The following PTPRD variants were observed in gnomAD, a reference collection of about 807,000 sequenced individuals.
The protein encoded by PTPRD is protein tyrosine phosphatase receptor type D, also known as receptor-type tyrosine-protein phosphatase delta.
A neutral mutation model predicts 214.5 loss-of-function variants in PTPRD; 34 were observed. The ratio of observed to expected loss-of-function variants is 0.16; its 90% CI spans 0.12 to 0.21. PTPRD has a LOEUF of 0.21. PTPRD is among the 10% of genes least tolerant of loss of function. PTPRD has a pLI of 1.00. For missense variants in PTPRD, 2,545 were observed against 2,398.7 expected (o/e 1.06, Z -1.27); for synonymous variants, 1,128 against 845.7 (o/e 1.33, Z -5.79).
intron 10 of PTPRD, among the ~76,000 whole-genome samples, chr9:9,019,220 T>C (rs894189308): frequency 1.4e-5 from 2 of 146,560 alleles, no homozygotes; most frequent in Non-Finnish European, 3.0e-5. Context: ...ATTTTTATTA[T>C]AGAAAGACAG....
intron 3 of PTPRD, among the ~76,000 whole-genome samples, chr9:10,067,287 T>A (rs2097904332): frequency 6.6e-6 from 1 of 151,954 alleles, no homozygotes; most frequent in African/African-American, 2.4e-5. Flanking sequence ...GGATTTGATA[T>A]TTTACTGTAT....
intron 3 of PTPRD, among the ~76,000 whole-genome samples, chr9:10,042,887 A>G (rs1472805712): frequency 6.6e-6 from 1 of 151,954 alleles, no homozygotes; most frequent in East Asian, 1.9e-4. Flanking sequence ...TTTACCTAAT[A>G]TGAATGTATT....
intron 11 of PTPRD, chr9:8,797,038 A>G (rs1408928017): frequency 1.3e-5 from 2 of 152,084 alleles, no homozygotes; most frequent in Non-Finnish European, 2.9e-5. Context: ...TTCCCCAACC[A>G]TTTGGGATAA....
intron 10 of PTPRD, among the ~76,000 whole-genome samples, chr9:9,106,397 T>C (rs1281419102): frequency 6.6e-6 from 1 of 152,016 alleles, no homozygotes; most frequent in East Asian, 1.9e-4. Context: ...ATTTATTTAA[T>C]CTTTCCAGCA....
At chr9:9,795,264 T>C (rs1379743317) in intron 5 of PTPRD, among the ~76,000 whole-genome samples, 2 of 152,184 alleles carry the variant, frequency 1.3e-5, no homozygotes, top group Non-Finnish European at 2.9e-5. Flanking sequence ...AATTTGGAAA[T>C]AGTGGGGTAT....
chr9:10,360,463 T>A (rs1350047702), intron 2 of PTPRD, among the ~76,000 whole-genome samples: 1 of 152,216 alleles, frequency 6.6e-6, no homozygotes, highest in Non-Finnish European at 1.5e-5. Flanking sequence ...CATGTCACAT[T>A]TTCTTTTGTT....
At chr9:8,790,799 A>G (rs2096200339) in intron 11 of PTPRD, among the ~76,000 whole-genome samples, 1 of 151,998 alleles carries the variant, frequency 6.6e-6, no homozygotes, top group African/African-American at 2.4e-5. Flanking sequence ...ACAAAACAGA[A>G]ATGTTGTACT....
intron 6 of PTPRD, among the ~76,000 whole-genome samples, chr9:9,737,044 T>C (rs1251992530): frequency 6.6e-6 from 1 of 152,132 alleles, no homozygotes; most frequent in Non-Finnish European, 1.5e-5. Flanking sequence ...TTATGATTAC[T>C]TTGCCTTTCA....
At chr9:8,788,517 T>G (rs2096089578) in intron 11 of PTPRD, among the ~76,000 whole-genome samples, 1 of 151,892 alleles carries the variant, frequency 6.6e-6, no homozygotes, top group African/African-American at 2.4e-5. Flanking sequence ...TCAGATGATC[T>G]GCCCACCTCA....
At chr9:8,722,260 C>T (rs1565557967) in intron 12 of PTPRD, among the ~76,000 whole-genome samples, 1 of 151,904 alleles carries the variant, frequency 6.6e-6, no homozygotes, top group Non-Finnish European at 1.5e-5. Flanking sequence ...GAGCTGTGAG[C>T]ATTGCCAAAG....
chr9:8,654,233 C>A (rs989746899), intron 12 of PTPRD, among the ~76,000 whole-genome samples: 1 of 152,210 alleles, frequency 6.6e-6, no homozygotes, highest in African/African-American at 2.4e-5. Context: ...TCAGATGCCT[C>A]CAAACATAGT....
At chr9:9,316,157 T>A (rs1192398576) in intron 9 of PTPRD, among the ~76,000 whole-genome samples, 2 of 151,986 alleles carry the variant, frequency 1.3e-5, no homozygotes, top group Non-Finnish European at 2.9e-5. Context: ...ATAAAGTACG[T>A]TATTCTATGA....
intron 39 of PTPRD, among the ~76,000 whole-genome samples, chr9:8,371,078 T>C (rs911323393): frequency 5.3e-5 from 8 of 152,068 alleles, no homozygotes; most frequent in South Asian, 2.1e-4. Flanking sequence ...AATGGGGAGC[T>C]ATGTCTAAAT....
intron 11 of PTPRD, among the ~76,000 whole-genome samples, chr9:8,895,760 G>C (rs972657871): frequency 2.6e-5 from 4 of 152,156 alleles, no homozygotes; most frequent in African/African-American, 9.7e-5. Context: ...CCAGACTTTA[G>C]TTTACTGTGT....
intron 9 of PTPRD, among the ~76,000 whole-genome samples, chr9:9,196,124 T>C (rs1487876246): frequency 2.0e-5 from 3 of 152,188 alleles, no homozygotes; most frequent in African/African-American, 7.2e-5. Flanking sequence ...TGTTCTCATA[T>C]GAAAGATAAG....
intron 14 of PTPRD, among the ~76,000 whole-genome samples, chr9:8,592,569 C>T (rs1260035886): frequency 2.0e-5 from 3 of 152,200 alleles, no homozygotes; most frequent in South Asian, 2.1e-4. Flanking sequence ...ACTTGAGATA[C>T]TGACTGTCCT....
chr9:9,606,488 T>C (rs181388430), intron 7 of PTPRD, among the ~76,000 whole-genome samples: 132 of 152,194 alleles, frequency 8.7e-4, no homozygotes, highest in African/African-American at 3.1e-3. Flanking sequence ...CATTATTAAA[T>C]TGTGTCACAT....
intron 3 of PTPRD, among the ~76,000 whole-genome samples, chr9:10,077,297 G>C (rs563931333): frequency 6.6e-6 from 1 of 152,134 alleles, no homozygotes; most frequent in East Asian, 1.9e-4. Context: ...AAATGTATCA[G>C]AGATTTCACA....
intron 11 of PTPRD, among the ~76,000 whole-genome samples, chr9:8,784,750 C>G (rs12337335): frequency 6.6e-6 from 1 of 152,068 alleles, no homozygotes; most frequent in East Asian, 1.9e-4. Context: ...TAGTTAACAT[C>G]CCCCCTGTAT....
Sources: allele counts gnomAD v4.1 joint callset (sites outside exome capture counted in the v4.1 genomes callset), GRCh38; gene constraint gnomAD v4.1.1; transcripts MANE v1.5; gene names NCBI Gene and HGNC (gene_info 2026-07-23, HGNC 2026-07-21).